Variants in CMTM4 observed in about 807,000 individuals in gnomAD.
The protein encoded by CMTM4 is CKLF like MARVEL transmembrane domain containing 4, also known as CKLF-like MARVEL transmembrane domain-containing protein 4.
CMTM4 carries 8 observed loss-of-function variants against 19.0 expected under a neutral mutation model. The observed-to-expected ratio is 0.42, with a 90% CI of 0.25 to 0.76. CMTM4 has a LOEUF of 0.76. Among genes scored for constraint, CMTM4 ranks in the 30% least tolerant of loss-of-function variants. The probability of loss-of-function intolerance (pLI) is 0.27; values close to 1 mark genes in which losing one functional copy is unlikely to be tolerated. For synonymous variants in CMTM4, 106 were observed against 121.1 expected (o/e 0.88, Z 0.82); for missense variants, 228 against 290.2 (o/e 0.79, Z 1.56).
intron 1 of CMTM4, among the ~76,000 whole-genome samples, chr16:66,688,228 A>G (rs1359218781): frequency 2.6e-5 from 4 of 152,008 alleles, no homozygotes; most frequent in Non-Finnish European, 5.9e-5. Flanking sequence ...AAAAGGCTCC[A>G]CCTCTTAATA....
At chr16:66,672,411 T>C (rs1460397003) in intron 1 of CMTM4, among the ~76,000 whole-genome samples, 1 of 134,430 alleles carries the variant, frequency 7.4e-6, no homozygotes, top group African/African-American at 2.8e-5. Flanking sequence ...ACAGCAAGAC[T>C]ACGTCTCAAA....
chr16:66,620,613 T>TAC lies in CMTM4; in HGVS notation c.*1443_*1444dup, dbSNP rs1459170629. ...CCCCTCGGAGTTATTTATTACACAG[T>TAC]ACGCTGCTAAAGCTGTCAACATTTG... On this transcript the variant is annotated 3_prime_UTR_variant, in exon 4 of 4. Transcript: ENST00000394106. The TAC allele has an allele frequency of 6.6e-5, 65 of 985,512 alleles. No individual in the cohort carries two copies. The highest frequency in any genetic ancestry group is 1.8e-4 in the Admixed American group (3 of 16,254). The allele number at this position is 985,512 out of a possible 1,614,324, so 61.0% of individuals were successfully genotyped here.
chr16:66,678,663 T>G (rs1037502148), intron 1 of CMTM4, among the ~76,000 whole-genome samples: 2 of 152,168 alleles, frequency 1.3e-5, no homozygotes, highest in East Asian at 1.9e-4. Context: ...CAAGCCAGAG[T>G]TGCATGTATT....
rs534268840 is a variant in CMTM4, at chr16:66,696,603, T to TCGCCGCCGCCGC, written c.-90_-79dup. On this transcript the variant is annotated 5_prime_UTR_variant, in exon 1 of 4. Transcript: ENST00000394106. This position sits in a 1 kb window ranked among gnomAD's most constrained non-coding sequence, Gnocchi z 4.3. ...GGGCGGACTCAGCGGGGCCGCCGCA[T>TCGCCGCCGCCGC]CGCCGCCGCCGCCGCCGCCGCCGCC... 10 of 814,830 alleles carry TCGCCGCCGCCGC rather than the reference T, an allele frequency of 1.2e-5. No individual in the cohort carries two copies. Among genetic ancestry groups the TCGCCGCCGCCGC allele is most frequent in the African/African-American group, 5.6e-5 (3 of 53,100 alleles). 50.5% of individuals were successfully genotyped at this position (814,830 alleles called of 1,614,324 possible).
chr16:66,606,261 G>A, the CMTM4 span, among the ~76,000 whole-genome samples: 1 of 152,162 alleles, frequency 6.6e-6, no homozygotes, highest in African/African-American at 2.4e-5. Context: ...GAAACAGAGA[G>A]AGGAAGTGGC....
chr16:66,694,834 T>C (rs1218428928), intron 1 of CMTM4, among the ~76,000 whole-genome samples: 1 of 151,412 alleles, frequency 6.6e-6, no homozygotes, highest in Non-Finnish European at 1.5e-5. Flanking sequence ...GTTTACCAGA[T>C]AAGGTAAATT....
chr16:66,607,349 C>A, the CMTM4 span, among the ~76,000 whole-genome samples: 1 of 152,252 alleles, frequency 6.6e-6, no homozygotes, highest in Non-Finnish European at 1.5e-5. Flanking sequence ...CCTTTCACAG[C>A]TGGCCCTGTA....
chr16:66,670,997 A>C lies in CMTM4; in HGVS notation c.186+25343T>G, dbSNP rs1349143449. The stretch of plus-strand genomic sequence containing the variant: ...CACCAGTATTTTTACTTTTTTCTCT[A>C]TTTTTCTACATCAGTCTGACTTTTT... On this transcript the variant is annotated intron_variant, in intron 1 of 3. Transcript: ENST00000394106. 2.6e-5 allele frequency among the ~76,000 whole-genome samples: 4 copies of C among 152,030 alleles called. No homozygotes were observed. In the East Asian group the frequency reaches 5.8e-4, roughly 22 times the overall value.
chr16:66,640,423 G>A (rs1329306206), intron 1 of CMTM4, among the ~76,000 whole-genome samples: 1 of 152,232 alleles, frequency 6.6e-6, no homozygotes, highest in Non-Finnish European at 1.5e-5. Context: ...TGGAGGCAGA[G>A]TGGGGAGCAA....
intron 1 of CMTM4, among the ~76,000 whole-genome samples, chr16:66,667,804 G>A (rs1457768316): frequency 6.6e-6 from 1 of 151,944 alleles, no homozygotes; most frequent in Non-Finnish European, 1.5e-5. Flanking sequence ...CAGGAGAATC[G>A]CTTGAACCAG....
chr16:66,640,891 C>G (rs2144819595), intron 1 of CMTM4, among the ~76,000 whole-genome samples: 1 of 152,256 alleles, frequency 6.6e-6, no homozygotes, highest in African/African-American at 2.4e-5. Flanking sequence ...CCATGTTGAA[C>G]AAGCCGTCTT....
Position 66,694,757 on chromosome 16 carries a change from C to A in CMTM4, c.186+1583G>T, listed in dbSNP as rs544147283. On this transcript the variant is annotated intron_variant, in intron 1 of 3. Transcript: ENST00000394106. ...AAAGGCAATTGCACACCTCCCTTCA[C>A]CTCCTACATTCTCTTTGCTAACAGC... Among the ~76,000 whole-genome samples the A allele has an allele frequency of 7.9e-5, 12 of 151,060 alleles. 1 individual carries two copies. The South Asian group carries it at 2.5e-3, about 32-fold the overall frequency.
the CMTM4 span, among the ~76,000 whole-genome samples, chr16:66,600,136 G>GGGGGGGGGT: frequency 7.4e-6 from 1 of 135,154 alleles, no homozygotes; most frequent in African/African-American, 2.9e-5. Context: ...GTGTGTGTGT[G>GGGGGGGGGT]TTTTTTTTTG....
At chr16:66,644,674 T>C (rs552002323) in intron 1 of CMTM4, among the ~76,000 whole-genome samples, 2 of 152,166 alleles carry the variant, frequency 1.3e-5, no homozygotes, top group African/African-American at 4.8e-5. Context: ...GTGAGTGGGG[T>C]AGACCCCTGT....
the CMTM4 span, chr16:66,605,212 G>A: frequency 2.2e-5 from 8 of 358,322 alleles, no homozygotes; most frequent in Non-Finnish European, 4.0e-5. This position sits in a 1 kb window ranked among gnomAD's most constrained non-coding sequence, Gnocchi z 4.6. Flanking sequence ...TGGGAAGTGG[G>A]TGGGGCCCGG....
At chr16:66,629,693 G>GT (rs1232530068) in intron 2 of CMTM4, among the ~76,000 whole-genome samples, 1 of 152,158 alleles carries the variant, frequency 6.6e-6, no homozygotes, top group Non-Finnish European at 1.5e-5. Context: ...AACCAGCCAG[G>GT]TGATTAGAGA....
At chr16:66,670,771 G>C (rs887475395) in intron 1 of CMTM4, among the ~76,000 whole-genome samples, 1 of 151,828 alleles carries the variant, frequency 6.6e-6, no homozygotes, top group Non-Finnish European at 1.5e-5. Context: ...CTGCGCTCCA[G>C]CCTGGCAACA....
downstream of CMTM4, chr16:66,610,100 C>T: frequency 6.8e-7 from 1 of 1,476,112 alleles, no homozygotes; most frequent in Non-Finnish European, 9.3e-7. The surrounding 1 kb of genome is among the most constrained non-coding windows in gnomAD (Gnocchi z 4.6). Flanking sequence ...GGATCATTTC[C>T]TCTCTCCCCA....
At chr16:66,667,318 C>A (rs1387059559) in intron 1 of CMTM4, among the ~76,000 whole-genome samples, 4 of 151,446 alleles carry the variant, frequency 2.6e-5, no homozygotes, top group Non-Finnish European at 5.9e-5. Context: ...GAGCAAGACT[C>A]CCTCTCAAAA....
Sources: allele counts gnomAD v4.1 joint callset (sites outside exome capture counted in the v4.1 genomes callset), GRCh38; gene constraint gnomAD v4.1.1; non-coding constraint Gnocchi (gnomAD v3.1); transcripts MANE v1.5; gene names NCBI Gene and HGNC (gene_info 2026-07-23, HGNC 2026-07-21).